Variants in SPAG16 observed in about 807,000 individuals in gnomAD.
SPAG16 encodes sperm-associated antigen 16 protein.
In SPAG16, 86 loss-of-function variants were observed where a neutral mutation model predicts 80.4. The ratio of observed to expected loss-of-function variants is 1.07; its 90% CI spans 0.90 to 1.28. The LOEUF is 1.28. Among genes scored for constraint, SPAG16 ranks in the 50% most tolerant of loss-of-function variants. The pLI, the probability that SPAG16 is intolerant of heterozygous loss-of-function variation, is 0.00. For synonymous variants in SPAG16, 294 were observed against 265.9 expected (o/e 1.11, Z -1.03); for missense variants, 870 against 765.3 (o/e 1.14, Z -1.61).
At chr2:213,525,285 T>C (rs1054045272) in intron 10 of SPAG16, among the ~76,000 whole-genome samples, 11 of 48,420 alleles carry the variant, frequency 2.3e-4, no homozygotes, top group Non-Finnish European at 4.1e-4. Flanking sequence ...TTTCCTTTTC[T>C]TTTTTTTTTT....
intron 15 of SPAG16, among the ~76,000 whole-genome samples, chr2:214,149,496 C>G (rs1217325281): frequency 2.0e-5 from 3 of 151,846 alleles, no homozygotes; most frequent in African/African-American, 7.3e-5. Context: ...ATAATGTGTA[C>G]TAATCTAGAT....
chr2:214,177,186 C>A (rs1011568849), intron 15 of SPAG16, among the ~76,000 whole-genome samples: 1 of 151,020 alleles, frequency 6.6e-6, no homozygotes, highest in African/African-American at 2.4e-5. Context: ...TATTAGACAC[C>A]TAGACCCTAT....
chr2:213,363,724 G>A (rs1331455772), intron 7 of SPAG16, among the ~76,000 whole-genome samples: 8 of 151,930 alleles, frequency 5.3e-5, no homozygotes. Flanking sequence ...ATATAAAGAT[G>A]ATAGTTATTG....
chr2:213,394,970 G>A (rs2067959354), intron 9 of SPAG16, among the ~76,000 whole-genome samples: 1 of 151,996 alleles, frequency 6.6e-6, no homozygotes, highest in African/African-American at 2.4e-5. Flanking sequence ...TGGTTTTTTA[G>A]GAATTGTTCC....
intron 12 of SPAG16, among the ~76,000 whole-genome samples, chr2:213,970,861 T>C (rs1475028216): frequency 6.6e-6 from 1 of 152,240 alleles, no homozygotes; most frequent in East Asian, 1.9e-4. Flanking sequence ...TACATAATTA[T>C]ACCTCTTGCT....
chr2:213,673,703 A>G (rs1487089831), intron 10 of SPAG16, among the ~76,000 whole-genome samples: 2 of 152,234 alleles, frequency 1.3e-5, no homozygotes, highest in African/African-American at 4.8e-5. Context: ...ACTGGCTTCT[A>G]CTAAGGTAAT....
intron 11 of SPAG16, among the ~76,000 whole-genome samples, chr2:213,914,078 A>G (rs892419997): frequency 6.6e-6 from 1 of 152,116 alleles, no homozygotes; most frequent in Non-Finnish European, 1.5e-5. Flanking sequence ...GCTTAGTAAA[A>G]CTGACGCATA....
intron 11 of SPAG16, among the ~76,000 whole-genome samples, chr2:213,865,987 G>A (rs1156440844): frequency 4.7e-5 from 7 of 150,198 alleles, no homozygotes; most frequent in African/African-American, 1.5e-4. Flanking sequence ...CTCTGTGAAA[G>A]TAAACATTCT....
chr2:213,330,907 C>A (rs1008801456), intron 5 of SPAG16, among the ~76,000 whole-genome samples: 1 of 152,146 alleles, frequency 6.6e-6, no homozygotes, highest in African/African-American at 2.4e-5. Context: ...TTTACCTGCA[C>A]AAGCTCACTT....
At chr2:214,162,331 A>T (rs968378592) in intron 15 of SPAG16, among the ~76,000 whole-genome samples, 3 of 152,170 alleles carry the variant, frequency 2.0e-5, no homozygotes, top group African/African-American at 7.2e-5. Context: ...TCTGTTTAAC[A>T]TTCCATTGAC....
At chr2:214,136,687 C>G (rs181404021) in intron 14 of SPAG16, among the ~76,000 whole-genome samples, 2 of 152,252 alleles carry the variant, frequency 1.3e-5, no homozygotes, top group Non-Finnish European at 1.5e-5. Flanking sequence ...CTAAGCATTC[C>G]CAAATCTTAC....
chr2:214,095,934 A>T (rs1331457751), intron 13 of SPAG16, among the ~76,000 whole-genome samples: 1 of 152,040 alleles, frequency 6.6e-6, no homozygotes, highest in Non-Finnish European at 1.5e-5. Flanking sequence ...CCTATTAAAA[A>T]TAATAATAGT....
chr2:214,266,593 G>A (rs1255362709), intron 15 of SPAG16, among the ~76,000 whole-genome samples: 1 of 151,606 alleles, frequency 6.6e-6, no homozygotes, highest in East Asian at 1.9e-4. Flanking sequence ...CCAAGACAGG[G>A]CATTTAGGCT....
At chr2:214,030,159 A>G (rs968518509) in intron 13 of SPAG16, among the ~76,000 whole-genome samples, 1 of 152,034 alleles carries the variant, frequency 6.6e-6, no homozygotes, top group Non-Finnish European at 1.5e-5. Flanking sequence ...CCTAGCAACC[A>G]CTATTTTGTT....
chr2:213,647,189 G>C (rs1249778948), intron 10 of SPAG16, among the ~76,000 whole-genome samples: 2 of 151,998 alleles, frequency 1.3e-5, no homozygotes, highest in Non-Finnish European at 2.9e-5. Flanking sequence ...TTGTGTGGTG[G>C]GCCCTCAGTT....
intron 10 of SPAG16, among the ~76,000 whole-genome samples, chr2:213,553,656 G>A (rs557341057): frequency 9.9e-5 from 15 of 152,178 alleles, no homozygotes; most frequent in Middle Eastern, 3.4e-3. Context: ...GCTACTTCAC[G>A]AGTGACCATA....
chr2:214,121,078 C>T (rs1416433843), intron 14 of SPAG16, among the ~76,000 whole-genome samples: 1 of 151,544 alleles, frequency 6.6e-6, no homozygotes, highest in African/African-American at 2.4e-5. Flanking sequence ...TGTCTGTTTA[C>T]TTTTTTCAAA....
Position 214,267,621 on chromosome 2 carries a change from C to G in SPAG16, c.1720+118355C>G, listed in dbSNP as rs548989970. 1.4e-4 allele frequency among the ~76,000 whole-genome samples: 22 copies of G among 151,800 alleles called. 2 individuals carry two copies. Among genetic ancestry groups the G allele is most frequent in the African/African-American group, 4.8e-4 (20 of 41,480 alleles). On this transcript the variant is annotated intron_variant, in intron 15 of 15. Coordinates refer to ENST00000331683, the MANE Select transcript of SPAG16 (RefSeq NM_024532.5). The stretch of plus-strand genomic sequence containing the variant: ...GATTTATTGGATATAACCTCAAAAG[C>G]ACAAGCACCAAGAGAAAATAAAGAT...
chr2:214,028,271 ACTT>A (rs1209286626), intron 13 of SPAG16, among the ~76,000 whole-genome samples: 2 of 152,030 alleles, frequency 1.3e-5, no homozygotes, highest in African/African-American at 4.8e-5. Flanking sequence ...AGTCTATTGT[ACTT>A]CTTAGATAGG....
Sources: gnomAD v4.1 joint callset for allele counts (sites outside exome capture counted in the v4.1 genomes callset) on GRCh38, gnomAD v4.1.1 for gene constraint, MANE v1.5 for transcripts, NCBI Gene and HGNC (gene_info 2026-07-23, HGNC 2026-07-21) for gene names.